Variants in KCNH1 observed in about 807,000 individuals in gnomAD.
KCNH1 encodes potassium voltage-gated channel subfamily H member 1, also known as voltage-gated delayed rectifier potassium channel KCNH1.
In KCNH1, 27 loss-of-function variants were observed where a neutral mutation model predicts 69.2. The ratio of observed to expected loss-of-function variants is 0.39; its 90% CI spans 0.29 to 0.54. KCNH1 has a LOEUF of 0.54. Ranked by LOEUF, KCNH1 falls within the 20% of genes least tolerant of loss-of-function variation. The pLI is 0.68. For synonymous variants in KCNH1, 456 were observed against 487.7 expected (o/e 0.93, Z 0.86); for missense variants, 798 against 1,261.6 (o/e 0.63, Z 5.57).
At chr1:210,692,909 C>T (rs1341415768) in intron 10 of KCNH1, among the ~76,000 whole-genome samples, 5 of 152,202 alleles carry the variant, frequency 3.3e-5, no homozygotes, top group Non-Finnish European at 5.9e-5. Context: ...AGTCTGTGGT[C>T]GTTTGTATGG....
chr1:210,764,224 T>C (rs997202791), intron 10 of KCNH1, among the ~76,000 whole-genome samples: 18 of 152,218 alleles, frequency 1.2e-4, no homozygotes, highest in African/African-American at 4.3e-4. Flanking sequence ...TAACACAAGA[T>C]GAATTAAAGA....
In KCNH1 at chr1:210,976,345, C is replaced by T. The variant is rs182186072; in HGVS notation, c.1032+42438G>A. ...ATTCACAATAGCAAAGACTTGGAAC[C>T]AACCCAAATGTCCATCAATGATAGA... On this transcript the variant is annotated intron_variant, in intron 6 of 10. Transcript: ENST00000271751. Among the ~76,000 whole-genome samples the T allele has an allele frequency of 1.2e-3, 172 of 146,332 alleles. 11 individuals are homozygous for T. In the Middle Eastern group the frequency reaches 0.015, roughly 13 times the overall value.
At chr1:211,041,935 G>T (rs1690003721) in intron 5 of KCNH1, among the ~76,000 whole-genome samples, 1 of 151,822 alleles carries the variant, frequency 6.6e-6, no homozygotes, top group Non-Finnish European at 1.5e-5. Flanking sequence ...TTGTATTTTT[G>T]GTAGGGATGG....
intron 7 of KCNH1, among the ~76,000 whole-genome samples, chr1:210,917,732 T>C (rs965672344): frequency 2.6e-5 from 4 of 152,224 alleles, no homozygotes; most frequent in Non-Finnish European, 1.5e-5. Flanking sequence ...AATCAAATCA[T>C]GTCCTGAGCA....
chr1:211,016,734 C>G (rs987969615), intron 6 of KCNH1, among the ~76,000 whole-genome samples: 1 of 151,500 alleles, frequency 6.6e-6, no homozygotes, highest in African/African-American at 2.4e-5. Context: ...CATGGTGAAA[C>G]CCCGTCTCTA....
intron 10 of KCNH1, among the ~76,000 whole-genome samples, chr1:210,687,138 C>G (rs1206892410): frequency 1.3e-5 from 2 of 152,188 alleles, no homozygotes; most frequent in Non-Finnish European, 2.9e-5. Flanking sequence ...TGTTCTAAGA[C>G]TTATGAAAAG....
At chr1:211,065,350 G>A (rs1472550398) in intron 5 of KCNH1, among the ~76,000 whole-genome samples, 1 of 152,182 alleles carries the variant, frequency 6.6e-6, no homozygotes, top group African/African-American at 2.4e-5. Context: ...AATGGAACTG[G>A]AGGACATTGT....
intron 6 of KCNH1, among the ~76,000 whole-genome samples, chr1:210,975,590 A>G (rs1332614980): frequency 6.6e-6 from 1 of 152,246 alleles, no homozygotes; most frequent in Non-Finnish European, 1.5e-5. Context: ...ACCTTATACA[A>G]CAATTAATTG....
chr1:210,752,565 T>C (rs901196365), intron 10 of KCNH1, among the ~76,000 whole-genome samples: 1 of 152,160 alleles, frequency 6.6e-6, no homozygotes, highest in Non-Finnish European at 1.5e-5. Flanking sequence ...ACAGTTTACA[T>C]AAGAATATTT....
At chr1:211,005,219 A>G (rs1689258983) in intron 6 of KCNH1, among the ~76,000 whole-genome samples, 1 of 152,176 alleles carries the variant, frequency 6.6e-6, no homozygotes, top group African/African-American at 2.4e-5. Context: ...GCTTACAGAA[A>G]TTGACTCCAG....
At chr1:210,721,629 C>G (rs2149026842) in intron 10 of KCNH1, among the ~76,000 whole-genome samples, 1 of 152,192 alleles carries the variant, frequency 6.6e-6, no homozygotes, top group South Asian at 2.1e-4. Context: ...CAGCCCCTTG[C>G]TGCTTTTTTG....
intron 6 of KCNH1, among the ~76,000 whole-genome samples, chr1:210,975,932 T>A (rs1382883322): frequency 6.6e-6 from 1 of 152,126 alleles, no homozygotes; most frequent in Non-Finnish European, 1.5e-5. Context: ...CATCAAAAAG[T>A]AGGCGAAGGA....
intron 1 of KCNH1, among the ~76,000 whole-genome samples, chr1:211,127,728 G>A (rs1691806707): frequency 6.6e-6 from 1 of 152,156 alleles, no homozygotes; most frequent in African/African-American, 2.4e-5. Context: ...TGGCAAGGAT[G>A]TGCTGCAGTG....
chr1:210,969,084 T>C (rs982906036), intron 6 of KCNH1, among the ~76,000 whole-genome samples: 1 of 152,128 alleles, frequency 6.6e-6, no homozygotes, highest in Non-Finnish European at 1.5e-5. Flanking sequence ...AATTTTCTAA[T>C]ATTAAACCAC....
chr1:210,833,753 C>A (rs1217638274), intron 7 of KCNH1, among the ~76,000 whole-genome samples: 2 of 152,044 alleles, frequency 1.3e-5, no homozygotes, highest in African/African-American at 4.8e-5. Context: ...AGGCAACCCA[C>A]AAAATGGGAG....
At chr1:211,023,669 T>C (rs145167489) in intron 5 of KCNH1, among the ~76,000 whole-genome samples, 4 of 152,058 alleles carry the variant, frequency 2.6e-5, no homozygotes, top group Non-Finnish European at 5.9e-5. Flanking sequence ...AGGAAGAGAA[T>C]GTGATAGGGA....
In KCNH1 at chr1:211,025,931, T is replaced by A. The variant is rs180670692; in HGVS notation, c.559-6675A>T. ...CAACCCCACATTCTTGCCACCTGTA[T>A]CTTTGTTTGATCACCAATAGTCTGG... On this transcript the variant is annotated intron_variant, in intron 5 of 10. Transcript: ENST00000271751. Among the ~76,000 whole-genome samples, 887 of 152,294 alleles carry A rather than the reference T, an allele frequency of 5.8e-3. 35 individuals are homozygous for A. Among genetic ancestry groups the A allele is most frequent in the Admixed American group, 0.049 (750 of 15,296 alleles).
chr1:211,078,917 C>CAAAA (rs769981174), intron 5 of KCNH1, among the ~76,000 whole-genome samples: 302 of 81,938 alleles, frequency 3.7e-3, no homozygotes, highest in East Asian at 6.7e-3. Context: ...GACTCCGTCT[C>CAAAA]AAAAAAAAAA....
chr1:210,752,977 A>G (rs987494444), intron 10 of KCNH1, among the ~76,000 whole-genome samples: 1 of 152,160 alleles, frequency 6.6e-6, no homozygotes, highest in African/African-American at 2.4e-5. Flanking sequence ...ACACAGAGGC[A>G]GAGATTGGAA....
Sources: allele counts gnomAD v4.1 joint callset (sites outside exome capture counted in the v4.1 genomes callset), GRCh38; gene constraint gnomAD v4.1.1; transcripts MANE v1.5; gene names NCBI Gene and HGNC (gene_info 2026-07-23, HGNC 2026-07-21).